The following DCAF1 variants were observed in gnomAD, a reference collection of about 807,000 sequenced individuals.
DCAF1 encodes DDB1- and CUL4-associated factor 1.
Under a neutral mutation model 128.0 loss-of-function variants are expected in DCAF1, and 15 were observed. The observed-to-expected ratio is 0.12, with a 90% confidence interval of 0.08 to 0.18. DCAF1 has a LOEUF of 0.18. DCAF1 is among the 10% of genes least tolerant of loss of function. The pLI is 1.00. For missense variants in DCAF1, 988 were observed against 1,649.5 expected (o/e 0.60, Z 6.95); for synonymous variants, 610 against 603.0 (o/e 1.01, Z -0.17).
Position 51,443,878 on chromosome 3 carries a change from T to C in DCAF1, c.401A>G (p.Lys134Arg). ...TGGTTGATCGGCCTCTCGGGCCCAT[T>C]TGAAAAGATTCTCGACAATTCCCTC... ...EKEGIVENLF[K>R]WAREADQPLR... Residue 134 changes from lysine (K) to arginine (R), a missense_variant, in exon 7 of 25, where the codon AAA becomes AGA. Around this residue, in one of 11 missense-constraint regions of DCAF1, gnomAD observed 210 missense variants for 260.2 expected, o/e 0.81. Coordinates refer to ENST00000684031, the MANE Select transcript of DCAF1 (RefSeq NM_001387579.1). 1 of 1,606,238 alleles carries C rather than the reference T, an allele frequency of 6.2e-7. No individual in the cohort carries two copies. The highest frequency in any genetic ancestry group is 8.5e-7 in the Non-Finnish European group (1 of 1,178,044).
At chr3:51,470,571 A>T (rs1286098478) in intron 4 of DCAF1, among the ~76,000 whole-genome samples, 1 of 152,122 alleles carries the variant, frequency 6.6e-6, no homozygotes, top group African/African-American at 2.4e-5. Context: ...ATCTCCAAAA[A>T]AGAAAAAGTC....
At chr3:51,490,379 C>G (rs1707489774) in intron 2 of DCAF1, among the ~76,000 whole-genome samples, 1 of 152,110 alleles carries the variant, frequency 6.6e-6, no homozygotes, top group Non-Finnish European at 1.5e-5. Flanking sequence ...TGCAGTGAAC[C>G]AAGATCGCAC....
intron 3 of DCAF1, among the ~76,000 whole-genome samples, chr3:51,477,985 G>A (rs2108323890): frequency 6.6e-6 from 1 of 152,044 alleles, no homozygotes; most frequent in African/African-American, 2.4e-5. Flanking sequence ...GTGCTACTAT[G>A]CATTGTTCCT....
At chr3:51,431,285 A>C (rs1700347625) in intron 10 of DCAF1, among the ~76,000 whole-genome samples, 1 of 151,902 alleles carries the variant, frequency 6.6e-6, no homozygotes, top group Admixed American at 6.6e-5. Flanking sequence ...TGGGAGGCTG[A>C]GGCGGGTGGA....
rs1489410028 is a variant in DCAF1 at position 51,398,733 on chromosome 3, G to A, written c.*36C>T. 4 of 1,568,544 alleles carry A rather than the reference G, an allele frequency of 2.6e-6. No homozygotes were observed. The highest frequency in any genetic ancestry group is 1.4e-5 in the African/African-American group (1 of 74,016). On this transcript the variant is annotated 3_prime_UTR_variant, in exon 25 of 25. Transcript: ENST00000684031. ...CTGAATTCATTTGACTCAGTTTCTC[G>A]CCTGCCAAGAATCTCTTCCAAGCAG...
intron 18 of DCAF1, among the ~76,000 whole-genome samples, chr3:51,415,234 T>C (rs1362365410): frequency 6.6e-6 from 1 of 152,188 alleles, no homozygotes; most frequent in Non-Finnish European, 1.5e-5. Context: ...GACTCATGCC[T>C]GCAATGCCAA....
At chr3:51,474,921 G>T (rs1705248379) in intron 3 of DCAF1, among the ~76,000 whole-genome samples, 1 of 151,492 alleles carries the variant, frequency 6.6e-6, no homozygotes, top group South Asian at 2.1e-4. Context: ...AGTAGCTGGG[G>T]TTACAGGTAC....
chr3:51,486,459 G>A (rs902205560), intron 2 of DCAF1, among the ~76,000 whole-genome samples: 1 of 151,326 alleles, frequency 6.6e-6, no homozygotes, highest in African/African-American at 2.4e-5. Context: ...CCCCCAAAGT[G>A]CTGAGACAAC....
At chr3:51,466,126 C>T (rs567969129) in intron 5 of DCAF1, among the ~76,000 whole-genome samples, 11 of 152,214 alleles carry the variant, frequency 7.2e-5, no homozygotes, top group African/African-American at 1.9e-4. Context: ...CACCTGACCC[C>T]GGAAAGCAGA....
At chr3:51,430,296 A>G (rs782350342) in intron 10 of DCAF1, 84 bp from the exon 11 acceptor site, 8 of 673,434 alleles carry the variant, frequency 1.2e-5, no homozygotes, top group African/African-American at 3.6e-5. Context: ...GCCAGTATAG[A>G]TATCTGCAGA....
At chr3:51,438,340 A>G (rs1398551696) in intron 9 of DCAF1, among the ~76,000 whole-genome samples, 3 of 152,236 alleles carry the variant, frequency 2.0e-5, no homozygotes, top group Non-Finnish European at 4.4e-5. Context: ...CCTCAAAATT[A>G]TATGCAAAGA....
Position 51,419,850 on chromosome 3 carries a change from T to G in DCAF1, c.3120A>C (p.Pro1040=), listed in dbSNP as rs1553631736. Residue 1040 remains proline (P), a synonymous_variant, in exon 15 of 25, where the codon CCA becomes CCC. Transcript: ENST00000684031. ...TTATTGGCGCTTGCCGCCTCTGTTT[T>G]GGCTCAGGACATTGGTGAGGAGTAA... ...SLFTPHQCPE[P]KQRRQAPINF... is the part of the protein sequence containing the mutation. 1.9e-6 allele frequency: 3 copies of G among 1,614,046 alleles called. No individual in the cohort carries two copies. Among genetic ancestry groups the G allele is most frequent in the Non-Finnish European group, 2.5e-6 (3 of 1,179,890 alleles).
chr3:51,453,309 C>A (rs1702541110), intron 6 of DCAF1, among the ~76,000 whole-genome samples: 1 of 152,008 alleles, frequency 6.6e-6, no homozygotes, highest in Non-Finnish European at 1.5e-5. Flanking sequence ...CAAGATCTTT[C>A]ATTTGGGTCA....
chr3:51,460,904 A>G (rs1400383637), intron 6 of DCAF1, among the ~76,000 whole-genome samples: 2 of 151,172 alleles, frequency 1.3e-5, no homozygotes, highest in East Asian at 3.9e-4. Flanking sequence ...TTATACAAAA[A>G]TTAATTCAAG....
chr3:51,405,162 T>C lies in DCAF1; in HGVS notation c.4213-1767A>G, dbSNP rs782684536. On this transcript the variant is annotated intron_variant, in intron 23 of 24. Transcript: ENST00000684031. Reference sequence around the variant, plus strand: ...TAAGGCTTCGTGGACAGAACACTTATATTTAAAATTTAAGATAGCACAACT... The same window carrying C: ...TAAGGCTTCGTGGACAGAACACTTACATTTAAAATTTAAGATAGCACAACT... Among the ~76,000 whole-genome samples the C allele has an allele frequency of 1.1e-4, 16 of 152,352 alleles. 1 individual carries two copies. The highest frequency in any genetic ancestry group is 2.0e-4 in the Admixed American group (3 of 15,304).
In DCAF1 at chr3:51,483,706, A is replaced by C; in HGVS notation, c.110+13T>G. Reference sequence around the variant, plus strand: ...TTTTTTATTAAACTAGGTTTTAAAAAAGTTATTCATACCTGGTAAGGATAG... The same window carrying C: ...TTTTTTATTAAACTAGGTTTTAAAACAGTTATTCATACCTGGTAAGGATAG... On this transcript the variant is annotated intron_variant, in intron 3 of 24. Transcript: ENST00000684031. The C allele has an allele frequency of 6.2e-7, 1 of 1,607,534 alleles. No homozygotes were observed. Among genetic ancestry groups the C allele is most frequent in the Non-Finnish European group, 8.5e-7 (1 of 1,174,792 alleles).
intron 23 of DCAF1, among the ~76,000 whole-genome samples, chr3:51,408,069 T>C (rs1698064188): frequency 6.6e-6 from 1 of 150,586 alleles, no homozygotes; most frequent in Non-Finnish European, 1.5e-5. Flanking sequence ...CTAGCTTATC[T>C]CTGCTTTCAT....
At chr3:51,485,636 G>A (rs1321476644) in intron 2 of DCAF1, among the ~76,000 whole-genome samples, 1 of 152,168 alleles carries the variant, frequency 6.6e-6, no homozygotes, top group African/African-American at 2.4e-5. Flanking sequence ...ACATCAGACA[G>A]GAATTACTAG....
intron 7 of DCAF1, 35 bp downstream of exon 7, chr3:51,443,731 T>C: frequency 6.4e-7 from 1 of 1,559,454 alleles, no homozygotes; most frequent in South Asian, 1.2e-5. Context: ...TACTCTCCCA[T>C]TTTATATAAA....
Sources: allele counts gnomAD v4.1 joint callset (sites outside exome capture counted in the v4.1 genomes callset), GRCh38; gene constraint gnomAD v4.1.1; regional missense constraint gnomAD v4.1.1; transcripts MANE v1.5; gene names NCBI Gene and HGNC (gene_info 2026-07-23, HGNC 2026-07-21).